The following COBL variants were observed in gnomAD, a reference collection of about 807,000 sequenced individuals.
COBL encodes the protein cordon-bleu WH2 repeat protein.
COBL carries 51 observed loss-of-function variants against 98.8 expected under a neutral mutation model. The ratio of observed to expected loss-of-function variants is 0.52; its 90% CI spans 0.41 to 0.65. The LOEUF (loss-of-function observed/expected upper bound fraction) is 0.65, where lower values mean the gene tolerates loss of function less well. COBL is among the 30% of genes least tolerant of loss of function. The pLI, the probability that COBL is intolerant of heterozygous loss-of-function variation, is 0.00. For missense variants in COBL, 1,617 were observed against 1,617.5 expected (o/e 1.00, Z 0.01); for synonymous variants, 634 against 651.7 (o/e 0.97, Z 0.41).
At chr7:51,125,433 G>T (rs931909620) in intron 6 of COBL, among the ~76,000 whole-genome samples, 5 of 152,144 alleles carry the variant, frequency 3.3e-5, no homozygotes, top group Non-Finnish European at 7.3e-5. Flanking sequence ...CACCCAGTCG[G>T]CGGTATTTAG....
chr7:51,085,567 C>T (rs1794155809), intron 6 of COBL, among the ~76,000 whole-genome samples: 1 of 152,160 alleles, frequency 6.6e-6, no homozygotes, highest in Non-Finnish European at 1.5e-5. Flanking sequence ...CCCCTATGAG[C>T]AGGGAGCTCA....
chr7:51,075,596 G>A (rs1420483734), intron 7 of COBL, among the ~76,000 whole-genome samples: 1 of 152,048 alleles, frequency 6.6e-6, no homozygotes, highest in Non-Finnish European at 1.5e-5. Context: ...GATCTGTTCA[G>A]CCATTGGTTT....
At chr7:51,221,417 T>C (rs772837698) in intron 1 of COBL, among the ~76,000 whole-genome samples, 1 of 152,166 alleles carries the variant, frequency 6.6e-6, no homozygotes, top group Non-Finnish European at 1.5e-5. Flanking sequence ...AACCCAACCA[T>C]ACATTAATAA....
At chr7:51,151,699 A>T (rs1441569724) in intron 5 of COBL, among the ~76,000 whole-genome samples, 1 of 152,194 alleles carries the variant, frequency 6.6e-6, no homozygotes, top group East Asian at 1.9e-4. Flanking sequence ...GGTCAAGAGG[A>T]AGCTCAGGCT....
intron 7 of COBL, among the ~76,000 whole-genome samples, chr7:51,083,626 T>C (rs1449069225): frequency 1.3e-5 from 2 of 152,242 alleles, no homozygotes; most frequent in Non-Finnish European, 1.5e-5. Flanking sequence ...GATCTGTTTT[T>C]AGCCTACTCT....
At chr7:51,160,046 C>T (rs1420925841) in intron 5 of COBL, among the ~76,000 whole-genome samples, 1 of 152,182 alleles carries the variant, frequency 6.6e-6, no homozygotes, top group African/African-American at 2.4e-5. Context: ...ACACCTGCCA[C>T]CACGTCCAGC....
At chr7:51,179,380 C>T (rs997550880) in intron 5 of COBL, among the ~76,000 whole-genome samples, 1 of 151,676 alleles carries the variant, frequency 6.6e-6, no homozygotes, top group Non-Finnish European at 1.5e-5. Context: ...GTATTTAGTA[C>T]TCCTCAGTAG....
At chr7:51,250,798 T>C (rs1331798625) in intron 1 of COBL, among the ~76,000 whole-genome samples, 1 of 152,178 alleles carries the variant, frequency 6.6e-6, no homozygotes, top group South Asian at 2.1e-4. Context: ...TGAGTGACAA[T>C]GGGCTGGATT....
chr7:51,159,601 G>A (rs1786573808), intron 5 of COBL, among the ~76,000 whole-genome samples: 1 of 152,300 alleles, frequency 6.6e-6, no homozygotes, highest in East Asian at 1.9e-4. Context: ...TGTTTTAGGG[G>A]AACATACGGA....
At chr7:51,078,128 C>T (rs56091846) in intron 7 of COBL, among the ~76,000 whole-genome samples, 68,458 of 151,652 alleles carry the variant, frequency 0.45, 15,829 homozygotes, top group Middle Eastern at 0.62. Context: ...GAAAGCTGAC[C>T]CCATCCCCGT....
At chr7:51,253,449 GCA>G (rs1796921363) in intron 1 of COBL, among the ~76,000 whole-genome samples, 2 of 152,174 alleles carry the variant, frequency 1.3e-5, no homozygotes, top group African/African-American at 4.8e-5. Context: ...GATACCCCAG[GCA>G]CAACCTTGTC....
chr7:51,082,629 A>G (rs6967022), intron 7 of COBL, among the ~76,000 whole-genome samples: 142,498 of 152,254 alleles, frequency 0.94, 66,862 homozygotes, highest in Non-Finnish European at 0.96. Flanking sequence ...AGAGTTCCAC[A>G]GCTAACTTAC....
At chr7:51,089,496 C>T (rs1193963553) in intron 6 of COBL, among the ~76,000 whole-genome samples, 1 of 142,634 alleles carries the variant, frequency 7.0e-6, no homozygotes, top group Non-Finnish European at 1.5e-5. Flanking sequence ...GCCTGGGCAA[C>T]AGGGCAAGAC....
chr7:51,188,596 G>T (rs553243893), intron 4 of COBL, among the ~76,000 whole-genome samples: 132 of 152,322 alleles, frequency 8.7e-4, no homozygotes, highest in Non-Finnish European at 7.3e-5. Context: ...CTTGGGGGTG[G>T]GGTGGAAAGG....
intron 5 of COBL, among the ~76,000 whole-genome samples, chr7:51,153,544 T>C (rs1785783381): frequency 6.6e-6 from 1 of 152,262 alleles, no homozygotes; most frequent in Non-Finnish European, 1.5e-5. Flanking sequence ...TGCTATTTGC[T>C]GTGAACAGCA....
At chr7:51,020,118 C>T (rs1055340591) in intron 12 of COBL, among the ~76,000 whole-genome samples, 17 of 152,280 alleles carry the variant, frequency 1.1e-4, no homozygotes, top group Non-Finnish European at 1.6e-4. Flanking sequence ...TTTCCCAAAG[C>T]GGCTAGGAGC....
intron 8 of COBL, among the ~76,000 whole-genome samples, chr7:51,040,969 A>C (rs944434177): frequency 6.6e-6 from 1 of 152,280 alleles, no homozygotes; most frequent in African/African-American, 2.4e-5. Flanking sequence ...GATTAGTTTC[A>C]GATGTGGAAT....
At chr7:51,029,813 A>G (rs1228647655) in intron 9 of COBL, among the ~76,000 whole-genome samples, 1 of 152,222 alleles carries the variant, frequency 6.6e-6, no homozygotes, top group East Asian at 1.9e-4. Flanking sequence ...GTTTCAAGGC[A>G]AGGTATTCAG....
intron 7 of COBL, among the ~76,000 whole-genome samples, chr7:51,060,162 G>T (rs1045318854): frequency 1.3e-5 from 2 of 151,030 alleles, no homozygotes; most frequent in Non-Finnish European, 2.9e-5. Flanking sequence ...ATGAACACCA[G>T]CCCAGATCTC....
Sources: allele counts gnomAD v4.1 joint callset (sites outside exome capture counted in the v4.1 genomes callset), GRCh38; gene constraint gnomAD v4.1.1; transcripts MANE v1.5; gene names NCBI Gene and HGNC (gene_info 2026-07-23, HGNC 2026-07-21).